Variants in ABTB2 observed in about 807,000 individuals in gnomAD.
The protein encoded by ABTB2 is ankyrin repeat and BTB/POZ domain-containing protein 2.
ABTB2 carries 56 observed loss-of-function variants against 104.1 expected under a neutral mutation model. That is an observed-to-expected ratio of 0.54 (90% confidence interval 0.43 to 0.67). ABTB2 has a LOEUF of 0.67. Ranked by LOEUF, ABTB2 falls within the 30% of genes least tolerant of loss-of-function variation. The probability of loss-of-function intolerance (pLI) is 0.00; values close to 1 mark genes in which losing one functional copy is unlikely to be tolerated. For missense variants in ABTB2, 1,279 were observed against 1,407.7 expected, an observed-to-expected ratio of 0.91 and a Z score of 1.46; for synonymous variants, 606 against 608.2, an observed-to-expected ratio of 1.00 and a Z score of 0.05.
At chr11:34,230,758 A>T (rs1853757666) in intron 1 of ABTB2, among the ~76,000 whole-genome samples, 1 of 152,166 alleles carries the variant, frequency 6.6e-6, no homozygotes, top group Non-Finnish European at 1.5e-5. Flanking sequence ...TCCATCATGA[A>T]ATCTCAGTAT....
At chr11:34,325,550 G>T (rs1378410746) in intron 1 of ABTB2, among the ~76,000 whole-genome samples, 2 of 152,184 alleles carry the variant, frequency 1.3e-5, no homozygotes, top group Admixed American at 6.5e-5. Context: ...AAAAGTGCAT[G>T]GCACATAGTA....
chr11:34,213,527 TG>T (rs1310692908), intron 1 of ABTB2, among the ~76,000 whole-genome samples: 1 of 152,128 alleles, frequency 6.6e-6, no homozygotes, highest in Non-Finnish European at 1.5e-5. Flanking sequence ...GTGGCAAATT[TG>T]GAATCCCCAC....
chr11:34,200,665 A>T (rs1197132872), intron 2 of ABTB2, among the ~76,000 whole-genome samples: 1 of 152,162 alleles, frequency 6.6e-6, no homozygotes, highest in East Asian at 1.9e-4. Flanking sequence ...AGATAGACAA[A>T]ATTTCCTTTA....
chr11:34,190,272 C>CCA lies in ABTB2; in HGVS notation c.1244+7052_1244+7053insTG, dbSNP rs575570208. ...CCCCACCCCTGCCCCGCTGCCCCCC[C>CCA]AAAAAAAAAAAAAAAGAGACTGAGA... On this transcript the variant is annotated intron_variant, in intron 3 of 16. Transcript: ENST00000435224. 1.1e-3 allele frequency among the ~76,000 whole-genome samples: 127 copies of CCA among 115,116 alleles called. 1 individual carries two copies. Among genetic ancestry groups the CCA allele is most frequent in the South Asian group, 1.7e-3 (6 of 3,604 alleles). The allele number at this position is 115,116 out of a possible 152,430, so 75.5% of individuals were successfully genotyped here.
chr11:34,220,393 A>G (rs1167760110), intron 1 of ABTB2, among the ~76,000 whole-genome samples: 2 of 152,236 alleles, frequency 1.3e-5, no homozygotes, highest in African/African-American at 4.8e-5. Flanking sequence ...CTGGACAATG[A>G]GACATCAATT....
chr11:34,240,110 T>C (rs778469057), intron 1 of ABTB2, among the ~76,000 whole-genome samples: 1 of 152,172 alleles, frequency 6.6e-6, no homozygotes, highest in Non-Finnish European at 1.5e-5. Flanking sequence ...CTGCTACTCA[T>C]TATAGCCCAT....
In ABTB2 at chr11:34,303,674, G is replaced by A. The variant is rs542249997; in HGVS notation, c.883+53027C>T. Among the ~76,000 whole-genome samples the A allele has an allele frequency of 3.2e-4, 38 of 117,852 alleles. No homozygotes were observed. In the East Asian group the frequency reaches 8.3e-3, roughly 26 times the overall value. The allele number at this position is 117,852 out of a possible 152,430, so 77.3% of individuals were successfully genotyped here. A position where few individuals can be genotyped will look rare whatever the true frequency, so the allele number is the denominator to read the frequency against. ...TTTTTTTTTTTTGAGACAGAGTCTCGCTCTGTAGGCCAGGCTGGAGTGCAG... is the reference window on the plus strand; with the variant it reads ...TTTTTTTTTTTTGAGACAGAGTCTCACTCTGTAGGCCAGGCTGGAGTGCAG... On this transcript the variant is annotated intron_variant, in intron 1 of 16. Coordinates refer to ENST00000435224, the MANE Select transcript of ABTB2 (RefSeq NM_145804.3).
Position 34,335,814 on chromosome 11 carries a change from C to T in ABTB2, c.883+20887G>A, listed in dbSNP as rs139663228. The stretch of plus-strand genomic sequence containing the variant: ...TGAACCTCTGATCTTGAGGTCCAAA[C>T]GGTCCCATAGTTTCATCAGGCCACA... On this transcript the variant is annotated intron_variant, in intron 1 of 16. Coordinates refer to ENST00000435224, the MANE Select transcript of ABTB2 (RefSeq NM_145804.3). The T allele has an allele frequency of 5.4e-4, 721 of 1,343,086 alleles. 5 individuals are homozygous for T. Among genetic ancestry groups the T allele is most frequent in the South Asian group, 2.0e-3 (170 of 85,060 alleles). 83.2% of individuals were successfully genotyped at this position (1,343,086 alleles called of 1,614,324 possible). A position where few individuals can be genotyped will look rare whatever the true frequency, so the allele number is the denominator to read the frequency against.
intron 3 of ABTB2, among the ~76,000 whole-genome samples, chr11:34,192,935 C>T (rs772467637): frequency 7.2e-5 from 11 of 152,200 alleles, no homozygotes; most frequent in African/African-American, 1.9e-4. Flanking sequence ...GGCAAGCGGG[C>T]GGCCCTCTTG....
chr11:34,316,226 T>G (rs1205156916), intron 1 of ABTB2, among the ~76,000 whole-genome samples: 1 of 152,172 alleles, frequency 6.6e-6, no homozygotes, highest in Non-Finnish European at 1.5e-5. Context: ...TGTTTTGTGG[T>G]CAGTCCCAGA....
At chr11:34,317,174 T>A (rs1020841256) in intron 1 of ABTB2, among the ~76,000 whole-genome samples, 5 of 152,216 alleles carry the variant, frequency 3.3e-5, no homozygotes, top group Non-Finnish European at 7.3e-5. Context: ...ACCTCTCTTG[T>A]GTAAGTTAAA....
At chr11:34,163,741 C>G (rs1852755111) in intron 9 of ABTB2, among the ~76,000 whole-genome samples, 1 of 152,218 alleles carries the variant, frequency 6.6e-6, no homozygotes, top group South Asian at 2.1e-4. Flanking sequence ...CTAGTTCAGG[C>G]AGTTTACAGA....
chr11:34,345,053 A>G (rs1855313661), intron 1 of ABTB2, among the ~76,000 whole-genome samples: 1 of 152,210 alleles, frequency 6.6e-6, no homozygotes, highest in Non-Finnish European at 1.5e-5. Flanking sequence ...AATTTCCAAC[A>G]CAATAGAGAG....
At chr11:34,193,108 G>T (rs1372396146) in intron 3 of ABTB2, among the ~76,000 whole-genome samples, 1 of 152,210 alleles carries the variant, frequency 6.6e-6, no homozygotes, top group Non-Finnish European at 1.5e-5. Context: ...CTAACCAGAT[G>T]GTTGTCCTTT....
At chr11:34,220,484 T>C (rs1853606909) in intron 1 of ABTB2, among the ~76,000 whole-genome samples, 1 of 152,346 alleles carries the variant, frequency 6.6e-6, no homozygotes, top group Middle Eastern at 3.4e-3. Context: ...GGGCTTTTGC[T>C]CTTCTTATTG....
At chr11:34,196,734 AGGCTTGGGTCCAGG>A (rs1332255028) in intron 3 of ABTB2, among the ~76,000 whole-genome samples, 1 of 152,228 alleles carries the variant, frequency 6.6e-6, no homozygotes, top group African/African-American at 2.4e-5. Flanking sequence ...AGAAGCCCAC[AGGCTTGGGTCCAGG>A]GGCTATTCAA....
intron 1 of ABTB2, among the ~76,000 whole-genome samples, chr11:34,210,780 C>T (rs1472922923): frequency 1.3e-5 from 2 of 152,208 alleles, no homozygotes; most frequent in African/African-American, 2.4e-5. Flanking sequence ...GAGGATTACT[C>T]CTTTACTGCA....
At chr11:34,251,813 T>G (rs1240873394) in intron 1 of ABTB2, among the ~76,000 whole-genome samples, 2 of 151,964 alleles carry the variant, frequency 1.3e-5, no homozygotes, top group African/African-American at 4.8e-5. Context: ...TGAGGCTATC[T>G]ACAGAGACAT....
At chr11:34,313,153 T>C (rs1017980329) in intron 1 of ABTB2, among the ~76,000 whole-genome samples, 4 of 152,338 alleles carry the variant, frequency 2.6e-5, no homozygotes, top group East Asian at 1.9e-4. Context: ...CAGGAGCCCA[T>C]GTGCATTTTC....
Sources: allele counts gnomAD v4.1 joint callset (sites outside exome capture counted in the v4.1 genomes callset), GRCh38; gene constraint gnomAD v4.1.1; transcripts MANE v1.5; gene names NCBI Gene and HGNC (gene_info 2026-07-23, HGNC 2026-07-21).